Variants in MAD1L1 observed in about 807,000 individuals in gnomAD.
MAD1L1 encodes the protein mitotic arrest deficient 1 like 1.
A neutral mutation model predicts 96.9 loss-of-function variants in MAD1L1; 95 were observed. The observed-to-expected ratio is 0.98, with a 90% CI of 0.83 to 1.16. MAD1L1 has a LOEUF of 1.16. Among genes scored for constraint, MAD1L1 ranks in the 50% most tolerant of loss-of-function variants. MAD1L1 has a pLI of 0.00. For synonymous variants in MAD1L1, 473 were observed against 396.6 expected (o/e 1.19, Z -2.29); for missense variants, 1,007 against 954.4 (o/e 1.06, Z -0.73).
Position 2,146,323 on chromosome 7 carries a change from C to A in MAD1L1, c.1073+2829G>T, listed in dbSNP as rs1789298264. Among the ~76,000 whole-genome samples the A allele has an allele frequency of 6.6e-6, 1 of 150,498 alleles. No individual in the cohort carries two copies. The highest frequency in any genetic ancestry group is 2.5e-5 in the African/African-American group (1 of 40,696). ...GCACCGGGCACTGGGCTACGAGGAA[C>A]AGGGCACCGCCTCGAAGAGGGAGCA... On this transcript the variant is annotated intron_variant, in intron 11 of 18. Transcript: ENST00000265854. The surrounding 1 kb of genome is among the most constrained non-coding windows in gnomAD (Gnocchi z 6.2).
intron 16 of MAD1L1, among the ~76,000 whole-genome samples, chr7:1,939,638 C>A (rs992385979): frequency 5.3e-5 from 8 of 152,236 alleles, no homozygotes; most frequent in African/African-American, 1.9e-4. Flanking sequence ...ACCCTTGGGG[C>A]TTCTGCCCAC....
chr7:1,839,939 C>T (rs1408113100), intron 18 of MAD1L1, among the ~76,000 whole-genome samples: 2 of 152,358 alleles, frequency 1.3e-5, no homozygotes, highest in Non-Finnish European at 2.9e-5. Context: ...GCCTGGCCAT[C>T]GGCCCCCCAA....
intron 10 of MAD1L1, among the ~76,000 whole-genome samples, chr7:2,185,325 C>T (rs2128603536): frequency 6.6e-6 from 1 of 152,274 alleles, no homozygotes; most frequent in East Asian, 1.9e-4. Flanking sequence ...TAATAGAAAT[C>T]AGAACAGTGC....
intron 9 of MAD1L1, among the ~76,000 whole-genome samples, chr7:2,215,278 T>C (rs1793203458): frequency 6.8e-6 from 1 of 148,104 alleles, no homozygotes; most frequent in African/African-American, 2.5e-5. Context: ...CTCAGGAGGC[T>C]GAGGCAGGAG....
chr7:1,868,236 C>G (rs914313931), intron 18 of MAD1L1, among the ~76,000 whole-genome samples: 20 of 152,318 alleles, frequency 1.3e-4, no homozygotes, highest in African/African-American at 4.6e-4. Flanking sequence ...GGGAGCCAAG[C>G]CCCACCTGCT....
rs774516132 is a variant in MAD1L1 at position 1,921,618 on chromosome 7, C to A, written c.1807+15069G>T. 4.6e-5 allele frequency among the ~76,000 whole-genome samples: 7 copies of A among 151,858 alleles called. No individual in the cohort carries two copies. In the East Asian group the frequency reaches 1.2e-3, roughly 25 times the overall value. On this transcript the variant is annotated intron_variant, in intron 17 of 18. Transcript: ENST00000265854. ...ACAGGCATGAGCCACCGCGCCTGGC[C>A]GTGACAAAGTAATTCTAAAATTAAC...
chr7:2,217,406 G>A (rs1793348339), intron 7 of MAD1L1, among the ~76,000 whole-genome samples: 1 of 152,198 alleles, frequency 6.6e-6, no homozygotes, highest in Admixed American at 6.5e-5. Flanking sequence ...GCCAGGCTGG[G>A]GGTGCCGGGC....
intron 12 of MAD1L1, among the ~76,000 whole-genome samples, chr7:2,027,392 C>T (rs1310700755): frequency 6.6e-6 from 1 of 152,184 alleles, no homozygotes; most frequent in Non-Finnish European, 1.5e-5. Flanking sequence ...CTGAAAACGA[C>T]ATTCTGAGAA....
intron 10 of MAD1L1, among the ~76,000 whole-genome samples, chr7:2,181,661 C>T (rs1462179582): frequency 2.6e-5 from 4 of 152,116 alleles, no homozygotes; most frequent in Non-Finnish European, 5.9e-5. Context: ...GTAGAGCTAC[C>T]GTTTGAGACA....
chr7:1,855,515 C>CA (rs968038157), intron 18 of MAD1L1, among the ~76,000 whole-genome samples: 1 of 152,090 alleles, frequency 6.6e-6, no homozygotes, highest in African/African-American at 2.4e-5. Flanking sequence ...ATCCCTCACA[C>CA]ACTCACTTTC....
chr7:1,864,353 C>CCCCG (rs1784673664), intron 18 of MAD1L1, among the ~76,000 whole-genome samples: 1 of 152,204 alleles, frequency 6.6e-6, no homozygotes, highest in African/African-American at 2.4e-5. Flanking sequence ...CTGGACGGGA[C>CCCCG]TCGGGGGAAC....
At chr7:1,988,005 C>T (rs1441505634) in intron 14 of MAD1L1, among the ~76,000 whole-genome samples, 14 of 152,172 alleles carry the variant, frequency 9.2e-5, no homozygotes, top group Admixed American at 9.2e-4. Context: ...AGGAGGCATC[C>T]TCACCGAGGA....
chr7:1,980,353 G>C, intron 15 of MAD1L1, 100 bp downstream of exon 15: 9 of 960,800 alleles, frequency 9.4e-6, no homozygotes, highest in Non-Finnish European at 1.4e-5. Flanking sequence ...GACACACCTG[G>C]GCGTATCTGC....
intron 10 of MAD1L1, among the ~76,000 whole-genome samples, chr7:2,189,213 A>G (rs1637749): frequency 0.35 from 53,029 of 152,084 alleles, 10,067 homozygotes; most frequent in East Asian, 0.68. Flanking sequence ...ACTCCTGTGC[A>G]CTGCTGATGA....
intron 18 of MAD1L1, among the ~76,000 whole-genome samples, chr7:1,827,054 G>A (rs1401095846): frequency 5.3e-5 from 8 of 152,344 alleles, no homozygotes; most frequent in South Asian, 2.1e-4. Context: ...AGCCGCAGCC[G>A]GAGGGGAGCC....
intron 18 of MAD1L1, chr7:1,847,286 C>A: frequency 2.1e-6 from 1 of 471,044 alleles, no homozygotes; most frequent in Non-Finnish European, 4.4e-6. Flanking sequence ...CCGAACGTGC[C>A]AGGACTGCAG....
chr7:2,024,001 C>T (rs145335312), intron 12 of MAD1L1, among the ~76,000 whole-genome samples: 1 of 150,042 alleles, frequency 6.7e-6, no homozygotes. Context: ...ATAAAAATTA[C>T]AATAAAAAAC....
chr7:2,121,800 G>A (rs1271697036), intron 11 of MAD1L1, among the ~76,000 whole-genome samples: 1 of 152,160 alleles, frequency 6.6e-6, no homozygotes, highest in Non-Finnish European at 1.5e-5. Context: ...CTGTCTCACT[G>A]TCCCTCCAGA....
At chr7:2,192,909 C>A (rs575450091) in intron 10 of MAD1L1, among the ~76,000 whole-genome samples, 1 of 152,092 alleles carries the variant, frequency 6.6e-6, no homozygotes, top group Non-Finnish European at 1.5e-5. Flanking sequence ...AAGTCCATTT[C>A]GTTTAGAAAA....
Sources: gnomAD v4.1 joint callset for allele counts (sites outside exome capture counted in the v4.1 genomes callset) on GRCh38, gnomAD v4.1.1 for gene constraint, Gnocchi (gnomAD v3.1) non-coding constraint, MANE v1.5 for transcripts, NCBI Gene and HGNC (gene_info 2026-07-23, HGNC 2026-07-21) for gene names.